The following PDE1C variants were observed in gnomAD, a reference collection of about 807,000 sequenced individuals.
PDE1C encodes the protein dual specificity calcium/calmodulin-dependent 3',5'-cyclic nucleotide phosphodiesterase 1C.
In PDE1C, 62 loss-of-function variants were observed where a neutral mutation model predicts 93.1. The observed-to-expected ratio is 0.67, with a 90% CI of 0.54 to 0.82. The LOEUF (loss-of-function observed/expected upper bound fraction) is 0.82. Among genes scored for constraint, PDE1C ranks in the 40% least tolerant of loss-of-function variants. The probability of loss-of-function intolerance (pLI) is 0.00; values close to 1 mark genes in which losing one functional copy is unlikely to be tolerated. For synonymous variants in PDE1C, 325 were observed against 310.1 expected, an observed-to-expected ratio of 1.05 and a Z score of -0.50; for missense variants, 742 against 884.6, an observed-to-expected ratio of 0.84 and a Z score of 2.04.
intron 1 of PDE1C, among the ~76,000 whole-genome samples, chr7:32,416,560 T>C (rs1028009239): frequency 3.3e-5 from 5 of 152,172 alleles, no homozygotes; most frequent in African/African-American, 9.6e-5. Context: ...GATTAAACTA[T>C]ACATACAATT....
At chr7:31,895,004 C>A (rs1247963107) in intron 2 of PDE1C, among the ~76,000 whole-genome samples, 2 of 152,118 alleles carry the variant, frequency 1.3e-5, no homozygotes, top group East Asian at 3.9e-4. Context: ...AGATGACCTC[C>A]AAGGTGACTC....
At position 32,253,467 on chromosome 7, in the gene PDE1C, A is replaced by C. The variant is rs573660057; in HGVS notation, c.86-43928T>G. ...CCATTCTTCAAGCAAATGTCTCACA[A>C]TGAATGAATCCCCAGAGGTAGAAAG... On this transcript the variant is annotated intron_variant, in intron 1 of 18. Coordinates refer to the PDE1C transcript ENST00000396193. 2.0e-5 allele frequency among the ~76,000 whole-genome samples: 3 copies of C among 152,332 alleles called. No individual in the cohort carries two copies. In the South Asian group the frequency reaches 6.2e-4, roughly 32 times the overall value.
chr7:32,082,649 A>G (rs558544345), intron 3 of PDE1C, among the ~76,000 whole-genome samples: 1 of 152,272 alleles, frequency 6.6e-6, no homozygotes, highest in South Asian at 2.1e-4. Flanking sequence ...CTCCTCTGAG[A>G]CAAAACTTCC....
chr7:32,213,355 C>A (rs1405819305), intron 1 of PDE1C, among the ~76,000 whole-genome samples: 4 of 152,136 alleles, frequency 2.6e-5, no homozygotes, highest in Non-Finnish European at 2.9e-5. Flanking sequence ...GGCTCTGCCT[C>A]CTGGATATTC....
intron 1 of PDE1C, among the ~76,000 whole-genome samples, chr7:32,263,547 A>G (rs914016202): frequency 6.6e-6 from 1 of 152,234 alleles, no homozygotes. Context: ...ACACTGATAC[A>G]GTACTTTAAT....
intron 3 of PDE1C, among the ~76,000 whole-genome samples, chr7:32,116,222 C>T (rs926609884): frequency 6.6e-6 from 1 of 152,180 alleles, no homozygotes; most frequent in African/African-American, 2.4e-5. Context: ...TGCATTTCCC[C>T]TTTTATTTCT....
chr7:32,180,022 G>C (rs1235119661), intron 2 of PDE1C, among the ~76,000 whole-genome samples: 1 of 152,150 alleles, frequency 6.6e-6, no homozygotes, highest in African/African-American at 2.4e-5. Flanking sequence ...CAGTGGGTAG[G>C]AAATTTGGGG....
At chr7:32,312,617 G>A in intron 1 of PDE1C, among the ~76,000 whole-genome samples, 1 of 152,052 alleles carries the variant, frequency 6.6e-6, no homozygotes, top group East Asian at 1.9e-4. Context: ...ACAACCATCT[G>A]GTCTTTGACA....
chr7:32,049,094 A>C (rs1792997525), intron 2 of PDE1C, among the ~76,000 whole-genome samples: 1 of 152,144 alleles, frequency 6.6e-6, no homozygotes, highest in Non-Finnish European at 1.5e-5. Flanking sequence ...TACATGTGAA[A>C]ATGATAAATT....
rs188830862 is a variant in PDE1C at position 31,884,400 on chromosome 7, T to C, written c.129-3540A>G. 8.6e-3 allele frequency among the ~76,000 whole-genome samples: 1,305 copies of C among 151,902 alleles called. 55 individuals are homozygous for C. Among genetic ancestry groups the C allele is most frequent in the Admixed American group, 0.076 (1,157 of 15,264 alleles). On this transcript the variant is annotated intron_variant, in intron 2 of 17. Coordinates refer to ENST00000396191, the MANE Select transcript of PDE1C (RefSeq NM_001191057.4). ...TCTGAAACAAAGGTAAAAGCCCAAATCAACACAATAAGAAGTTTCTTTAAA... is the reference window on the plus strand; with the variant it reads ...TCTGAAACAAAGGTAAAAGCCCAAACCAACACAATAAGAAGTTTCTTTAAA...
the PDE1C span, among the ~76,000 whole-genome samples, chr7:31,671,566 C>T: frequency 1.3e-5 from 2 of 152,132 alleles, no homozygotes; most frequent in Non-Finnish European, 2.9e-5. Flanking sequence ...CTGCTATGCA[C>T]GACCCACCCC....
chr7:31,730,771 A>G, the PDE1C span, among the ~76,000 whole-genome samples: 1 of 152,042 alleles, frequency 6.6e-6, no homozygotes, highest in Non-Finnish European at 1.5e-5. Flanking sequence ...TCGGAGACAC[A>G]GAAGTCACAC....
intron 3 of PDE1C, among the ~76,000 whole-genome samples, chr7:32,109,529 A>G (rs1798530148): frequency 1.3e-5 from 2 of 152,188 alleles, no homozygotes; most frequent in Non-Finnish European, 2.9e-5. Context: ...ATGTTTAGCC[A>G]CATCCTGGCC....
intron 3 of PDE1C, among the ~76,000 whole-genome samples, chr7:32,084,838 G>A (rs1796963356): frequency 7.0e-6 from 1 of 142,072 alleles, no homozygotes; most frequent in Non-Finnish European, 1.6e-5. Flanking sequence ...GAATCTCTGG[G>A]ACGCATTCAA....
intron 1 of PDE1C, among the ~76,000 whole-genome samples, chr7:32,313,647 G>A (rs534979687): frequency 8.6e-5 from 13 of 151,138 alleles, no homozygotes; most frequent in Admixed American, 6.0e-4. Flanking sequence ...GCAAACTATC[G>A]CAAGGACAAA....
intron 16 of PDE1C, among the ~76,000 whole-genome samples, chr7:31,778,202 C>T (rs998713261): frequency 2.6e-5 from 4 of 152,158 alleles, no homozygotes; most frequent in East Asian, 1.9e-4. Flanking sequence ...CAATGCACAA[C>T]CCCAGTGGAT....
intron 1 of PDE1C, among the ~76,000 whole-genome samples, chr7:32,271,085 C>A (rs1418755005): frequency 1.3e-5 from 2 of 152,208 alleles, no homozygotes; most frequent in African/African-American, 4.8e-5. Context: ...TTGCAGTGAG[C>A]AGAGATAGCA....
At chr7:31,901,624 A>G (rs1799990979) in intron 2 of PDE1C, among the ~76,000 whole-genome samples, 3 of 151,284 alleles carry the variant, frequency 2.0e-5, no homozygotes, top group African/African-American at 7.2e-5. Context: ...AATTTAACAT[A>G]GAAGGCTAAA....
At position 31,932,764 on chromosome 7, in the gene PDE1C, A is replaced by C. The variant is rs1451658015; in HGVS notation, c.129-51904T>G. Reference sequence around the variant, plus strand: ...CATTCTACCATAAAGACACATGCGCACATATGTTTACTGCAGTGCTATTCA... The same window carrying C: ...CATTCTACCATAAAGACACATGCGCCCATATGTTTACTGCAGTGCTATTCA... On this transcript the variant is annotated intron_variant, in intron 2 of 17. Coordinates refer to ENST00000396191, the MANE Select transcript of PDE1C (RefSeq NM_001191057.4). Among the ~76,000 whole-genome samples the C allele has an allele frequency of 2.1e-3, 326 of 152,296 alleles. 2 individuals are homozygous for C. Among genetic ancestry groups the C allele is most frequent in the African/African-American group, 7.6e-3 (314 of 41,550 alleles).
Sources: allele counts gnomAD v4.1 joint callset (sites outside exome capture counted in the v4.1 genomes callset), GRCh38; gene constraint gnomAD v4.1.1; transcripts MANE v1.5; gene names NCBI Gene and HGNC (gene_info 2026-07-23, HGNC 2026-07-21).